The following ARSB variants were observed in gnomAD, a reference collection of about 807,000 sequenced individuals.
The protein encoded by ARSB is arylsulfatase B.
Under a neutral mutation model 50.9 loss-of-function variants are expected in ARSB, and 41 were observed. The ratio of observed to expected loss-of-function variants is 0.81; its 90% CI spans 0.63 to 1.04. ARSB has a LOEUF of 1.04. Ranked by LOEUF, ARSB falls within the 50% of genes least tolerant of loss-of-function variation. ARSB has a pLI of 0.00. For synonymous variants in ARSB, 269 were observed against 284.8 expected, an observed-to-expected ratio of 0.94 and a Z score of 0.56; for missense variants, 672 against 693.3, an observed-to-expected ratio of 0.97 and a Z score of 0.35.
chr5:78,843,802 C>T (rs1319061744), intron 5 of ARSB, among the ~76,000 whole-genome samples: 1 of 152,200 alleles, frequency 6.6e-6, no homozygotes, highest in Non-Finnish European at 1.5e-5. Flanking sequence ...TGGAACCACA[C>T]AATACTTGGC....
At chr5:78,940,605 C>T (rs1314088455) in intron 4 of ARSB, among the ~76,000 whole-genome samples, 2 of 152,142 alleles carry the variant, frequency 1.3e-5, no homozygotes, top group South Asian at 2.1e-4. Context: ...AGATATGTGG[C>T]ATTATTTCTG....
At chr5:78,852,376 A>G (rs1362023226) in intron 5 of ARSB, among the ~76,000 whole-genome samples, 1 of 152,152 alleles carries the variant, frequency 6.6e-6, no homozygotes, top group Non-Finnish European at 1.5e-5. Flanking sequence ...AGAATGTTGA[A>G]TATTGGCCCC....
chr5:78,828,426 C>T (rs1270779391), intron 6 of ARSB, among the ~76,000 whole-genome samples: 2 of 152,160 alleles, frequency 1.3e-5, no homozygotes, highest in African/African-American at 4.8e-5. Context: ...GGCTCACACA[C>T]CTTTTGCTCA....
chr5:78,816,130 A>T (rs1464827526), intron 6 of ARSB: 1 of 1,613,996 alleles, frequency 6.2e-7, no homozygotes, highest in Non-Finnish European at 8.5e-7. Flanking sequence ...AAACACACAA[A>T]ATGACTTTCC....
At chr5:78,911,246 G>A (rs1244781562) in intron 4 of ARSB, among the ~76,000 whole-genome samples, 5 of 152,064 alleles carry the variant, frequency 3.3e-5, no homozygotes, top group African/African-American at 1.2e-4. Context: ...AAAGGGGAAT[G>A]TTTTATAATA....
chr5:78,836,955 A>T (rs980234908), intron 6 of ARSB, among the ~76,000 whole-genome samples: 9 of 152,080 alleles, frequency 5.9e-5, no homozygotes, highest in Non-Finnish European at 1.3e-4. Context: ...GGTGCCACAC[A>T]CTTTCAAACA....
chr5:78,812,592 AACACACACACACACACACAC>A (rs66597603), intron 6 of ARSB, among the ~76,000 whole-genome samples: 8 of 144,366 alleles, frequency 5.5e-5, no homozygotes, highest in Admixed American at 2.7e-4. Context: ...ATTCTGTTCA[AACACACACACACACACACAC>A]ACACACACAC....
intron 7 of ARSB, among the ~76,000 whole-genome samples, chr5:78,781,323 CTTTTTTTTTT>C (rs376851173): frequency 1.2e-4 from 9 of 75,350 alleles, no homozygotes; most frequent in African/African-American, 3.0e-4. Context: ...CTCTCTCTCT[CTTTTTTTTTT>C]TTTTTTTTTT....
intron 4 of ARSB, among the ~76,000 whole-genome samples, chr5:78,937,534 A>G (rs1750688187): frequency 6.7e-6 from 1 of 150,196 alleles, no homozygotes; most frequent in African/African-American, 2.4e-5. Context: ...TGTGAAAATC[A>G]TGACTACTTC....
chr5:78,858,765 C>T (rs376482639), intron 5 of ARSB, among the ~76,000 whole-genome samples: 2 of 152,196 alleles, frequency 1.3e-5, no homozygotes, highest in Non-Finnish European at 2.9e-5. Context: ...TAATGTCCGA[C>T]CTGTTAACCC....
chr5:78,963,309 C>A (rs1752076025), intron 3 of ARSB, among the ~76,000 whole-genome samples: 2 of 152,174 alleles, frequency 1.3e-5, no homozygotes, highest in African/African-American at 4.8e-5. Context: ...TCTGCAGCAC[C>A]ACGAGCCAAA....
intron 6 of ARSB, among the ~76,000 whole-genome samples, chr5:78,834,621 A>G (rs867975630): frequency 6.7e-4 from 85 of 126,434 alleles, no homozygotes; most frequent in African/African-American, 2.1e-3. Flanking sequence ...ATATATATAT[A>G]TATATATATA....
At chr5:78,808,156 A>G (rs1281331309) in intron 6 of ARSB, among the ~76,000 whole-genome samples, 2 of 151,092 alleles carry the variant, frequency 1.3e-5, no homozygotes, top group Admixed American at 6.6e-5. Context: ...GCACAGAAGT[A>G]GACTGAGCAT....
chr5:78,848,675 C>T (rs1745582812), intron 5 of ARSB, among the ~76,000 whole-genome samples: 1 of 152,176 alleles, frequency 6.6e-6, no homozygotes, highest in Non-Finnish European at 1.5e-5. Context: ...AACTAGTTTA[C>T]AGTCCCACCA....
intron 1 of ARSB, among the ~76,000 whole-genome samples, chr5:78,969,898 C>A (rs1440744878): frequency 2.0e-5 from 3 of 152,194 alleles, no homozygotes; most frequent in African/African-American, 7.2e-5. Context: ...GGATTACAGG[C>A]TTAAGCCACC....
rs189949109 is a variant in ARSB, at chr5:78,905,217, T to C, written c.899-19390A>G. Reference sequence around the variant, plus strand: ...TTCAACTTTGTCTCATGGAGAATGGTTACAATAGCTGCATTAAAGTTTTTG... The same window carrying C: ...TTCAACTTTGTCTCATGGAGAATGGCTACAATAGCTGCATTAAAGTTTTTG... On this transcript the variant is annotated intron_variant, in intron 4 of 7. Transcript: ENST00000264914. Among the ~76,000 whole-genome samples the C allele has an allele frequency of 3.9e-4, 59 of 152,332 alleles. No homozygotes were observed. The East Asian group carries it at 9.3e-3, about 24-fold the overall frequency.
At chr5:78,927,510 AAC>A (rs958789336) in intron 4 of ARSB, among the ~76,000 whole-genome samples, 3 of 152,198 alleles carry the variant, frequency 2.0e-5, no homozygotes, top group African/African-American at 7.2e-5. Context: ...AAAGTATAAA[AAC>A]ACTATCTATA....
intron 5 of ARSB, among the ~76,000 whole-genome samples, chr5:78,858,772 A>C (rs1276268241): frequency 7.2e-5 from 11 of 152,196 alleles, no homozygotes; most frequent in Admixed American, 7.2e-4. Flanking sequence ...CGACCTGTTA[A>C]CCCTTTGGAA....
rs368078480 is a variant in ARSB at position 78,885,691 on chromosome 5, C to T, written c.1035G>A (p.Arg345=). Residue 345 remains arginine (R), a synonymous_variant, in exon 5 of 8, where the codon CGG becomes CGA. Transcript: ENST00000264914. The stretch of plus-strand genomic sequence containing the variant: ...GCCAGTCAGAGATGTGGATGAGCTC[C>T]CGGTTCTTCACGCCCTTCTGCTTCA... The part of the protein sequence containing the change: ...PLLKQKGVKN[R]ELIHISDWLP... 6.2e-7 allele frequency: 1 copy of T among 1,614,042 alleles called. No individual in the cohort carries two copies. Among genetic ancestry groups the T allele is most frequent in the Non-Finnish European group, 8.5e-7 (1 of 1,180,008 alleles).
Sources: allele counts gnomAD v4.1 joint callset (sites outside exome capture counted in the v4.1 genomes callset), GRCh38; gene constraint gnomAD v4.1.1; transcripts MANE v1.5; gene names NCBI Gene and HGNC (gene_info 2026-07-23, HGNC 2026-07-21).